WWOX: variants seen among roughly 807,000 people sequenced by gnomAD.
The protein encoded by WWOX is WW domain containing oxidoreductase.
In WWOX, 69 loss-of-function variants were observed where a neutral mutation model predicts 46.2. That is an observed-to-expected ratio of 1.49 (90% CI 1.23 to 1.82). The LOEUF (loss-of-function observed/expected upper bound fraction) is 1.82, where lower values mean the gene tolerates loss of function less well. WWOX is among the 40% of genes most tolerant of loss of function. The probability of loss-of-function intolerance (pLI) is 0.00; values close to 1 mark genes in which losing one functional copy is unlikely to be tolerated. For synonymous variants in WWOX, 359 were observed against 202.6 expected, an observed-to-expected ratio of 1.77 and a Z score of -6.56; for missense variants, 919 against 542.6, an observed-to-expected ratio of 1.69 and a Z score of -6.89.
intron 8 of WWOX, among the ~76,000 whole-genome samples, chr16:78,667,841 G>A (rs1201936608): frequency 5.9e-5 from 9 of 152,090 alleles, no homozygotes; most frequent in Admixed American, 5.2e-4. Flanking sequence ...AGGCATCAGT[G>A]GTTACCAGGC....
chr16:78,477,613 T>A (rs973223908), intron 8 of WWOX, among the ~76,000 whole-genome samples: 1 of 150,728 alleles, frequency 6.6e-6, no homozygotes, highest in Admixed American at 6.6e-5. Context: ...TGTGAGATTT[T>A]ATTTTTTTTC....
At chr16:79,185,248 CT>C (rs2050990247) in intron 8 of WWOX, among the ~76,000 whole-genome samples, 1 of 152,150 alleles carries the variant, frequency 6.6e-6, no homozygotes. Context: ...GTGAAGCCCC[CT>C]GAACCAGACA....
At chr16:78,171,699 T>G (rs1433616345) in intron 5 of WWOX, among the ~76,000 whole-genome samples, 1 of 152,200 alleles carries the variant, frequency 6.6e-6, no homozygotes, top group African/African-American at 2.4e-5. Flanking sequence ...CCATTAGATT[T>G]GTTCCTCATT....
At chr16:78,411,755 G>C (rs2082686064) in intron 6 of WWOX, among the ~76,000 whole-genome samples, 1 of 152,196 alleles carries the variant, frequency 6.6e-6, no homozygotes, top group African/African-American at 2.4e-5. Flanking sequence ...CTATTGCAGT[G>C]ACTACACCTA....
At chr16:79,014,315 G>C (rs1165499415) in intron 8 of WWOX, among the ~76,000 whole-genome samples, 1 of 152,302 alleles carries the variant, frequency 6.6e-6, no homozygotes, top group South Asian at 2.1e-4. Flanking sequence ...CTTTCCTGGG[G>C]TGGTTCTGCT....
chr16:78,248,421 A>C (rs1309593726), intron 5 of WWOX, among the ~76,000 whole-genome samples: 1 of 152,084 alleles, frequency 6.6e-6, no homozygotes, highest in East Asian at 1.9e-4. Flanking sequence ...ACCAGGCCCC[A>C]CCTCCAACGT....
intron 8 of WWOX, among the ~76,000 whole-genome samples, chr16:78,532,356 A>T (rs927798002): frequency 4.6e-5 from 7 of 152,136 alleles, no homozygotes; most frequent in Admixed American, 4.6e-4. Flanking sequence ...TTGTGGCTTT[A>T]GACCAGCCAC....
rs144456230 is a variant in WWOX, at chr16:78,779,254, C to T, written c.1056+346502C>T. Among the ~76,000 whole-genome samples, 1,200 of 152,294 alleles carry T rather than the reference C, an allele frequency of 7.9e-3. 14 individuals carry two copies. Among genetic ancestry groups the T allele is most frequent in the African/African-American group, 0.024 (996 of 41,548 alleles). ...CTGCCTCCCTGGCTCAAGGGATCCT[C>T]CCATCTCAGCCTCCTGAGTAGCTGG... On this transcript the variant is annotated intron_variant, in intron 8 of 8. Coordinates refer to ENST00000566780, the MANE Select transcript of WWOX (RefSeq NM_016373.4).
chr16:79,028,125 A>G (rs1404230686), intron 8 of WWOX, among the ~76,000 whole-genome samples: 6 of 151,298 alleles, frequency 4.0e-5, no homozygotes, highest in East Asian at 1.9e-4. Context: ...TAATTTTTGT[A>G]TTTTCAGCAG....
At chr16:78,782,982 A>T (rs78172814) in intron 8 of WWOX, among the ~76,000 whole-genome samples, 1 of 152,354 alleles carries the variant, frequency 6.6e-6, no homozygotes, top group East Asian at 1.9e-4. Context: ...GCCTGTGAAC[A>T]CAGGGATTTT....
At chr16:78,899,203 C>G (rs1455974205) in intron 8 of WWOX, 1 of 152,112 alleles carries the variant, frequency 6.6e-6, no homozygotes, top group Non-Finnish European at 1.5e-5. Flanking sequence ...TGTATGTTTT[C>G]TGTACCTATA....
At chr16:78,623,489 G>A (rs966564057) in intron 8 of WWOX, among the ~76,000 whole-genome samples, 1 of 152,084 alleles carries the variant, frequency 6.6e-6, no homozygotes, top group Non-Finnish European at 1.5e-5. Context: ...AGACCAGCCT[G>A]GGCAACATGC....
intron 8 of WWOX, among the ~76,000 whole-genome samples, chr16:78,515,354 A>G (rs1393991781): frequency 6.6e-6 from 1 of 152,210 alleles, no homozygotes; most frequent in East Asian, 1.9e-4. Context: ...GTAATTTCAG[A>G]CTCTGCGTAC....
intron 8 of WWOX, among the ~76,000 whole-genome samples, chr16:78,877,429 C>T (rs2656630): frequency 0.28 from 42,983 of 152,074 alleles, 6,325 homozygotes; most frequent in Middle Eastern, 0.44. Flanking sequence ...TATTCTTCCA[C>T]GTAGCACCAT....
intron 8 of WWOX, among the ~76,000 whole-genome samples, chr16:78,498,198 C>G (rs1172861414): frequency 1.5e-4 from 2 of 13,436 alleles, no homozygotes; most frequent in Non-Finnish European, 1.7e-3. Flanking sequence ...GAGCAAGACT[C>G]CATCTCAAAA....
At position 78,344,932 on chromosome 16, in the gene WWOX, C is replaced by G. The variant is rs776412893; in HGVS notation, c.517-41928C>G. Among the ~76,000 whole-genome samples the G allele has an allele frequency of 1.7e-5, 2 of 120,758 alleles. 1 individual carries two copies. Among genetic ancestry groups the G allele is most frequent in the Non-Finnish European group, 4.0e-5 (2 of 50,614 alleles). The allele number at this position is 120,758 out of a possible 152,430, so 79.2% of individuals were successfully genotyped here. ...CATTCTTGATCCTATCACTTCCTTG[C>G]TGCGGGAACTCTGGAAAGTCACTTA... On this transcript the variant is annotated intron_variant, in intron 5 of 8. Transcript: ENST00000566780.
intron 8 of WWOX, among the ~76,000 whole-genome samples, chr16:78,917,857 A>T (rs1311050496): frequency 6.6e-6 from 1 of 152,156 alleles, no homozygotes; most frequent in African/African-American, 2.4e-5. Context: ...GATCAGAAAT[A>T]CTGATATCCT....
At chr16:78,507,859 G>A (rs1392770994) in intron 8 of WWOX, among the ~76,000 whole-genome samples, 3 of 152,100 alleles carry the variant, frequency 2.0e-5, no homozygotes, top group Non-Finnish European at 1.5e-5. Context: ...CCAACCCATG[G>A]CCCCCGGGTC....
At chr16:78,206,259 A>C (rs1388746358) in intron 5 of WWOX, among the ~76,000 whole-genome samples, 1 of 152,138 alleles carries the variant, frequency 6.6e-6, no homozygotes, top group Admixed American at 6.6e-5. Context: ...GAAAATAAAT[A>C]ATTTTGGAAA....
Sources: allele counts gnomAD v4.1 joint callset (sites outside exome capture counted in the v4.1 genomes callset), GRCh38; gene constraint gnomAD v4.1.1; transcripts MANE v1.5; gene names NCBI Gene and HGNC (gene_info 2026-07-23, HGNC 2026-07-21).